Variants in GRIK1 observed in about 807,000 individuals in gnomAD.
GRIK1 encodes glutamate receptor ionotropic, kainate 1.
A neutral mutation model predicts 105.7 loss-of-function variants in GRIK1; 69 were observed. That is an observed-to-expected ratio of 0.65 (90% CI 0.54 to 0.80). The LOEUF (loss-of-function observed/expected upper bound fraction) is 0.80. Among genes scored for constraint, GRIK1 ranks in the 30% least tolerant of loss-of-function variants. GRIK1 has a pLI of 0.00. For synonymous variants in GRIK1, 438 were observed against 431.3 expected (o/e 1.02, Z -0.19); for missense variants, 1,109 against 1,167.3 (o/e 0.95, Z 0.73).
At chr21:29,765,831 C>A (rs1443259844) in intron 1 of GRIK1, among the ~76,000 whole-genome samples, 4 of 151,830 alleles carry the variant, frequency 2.6e-5, no homozygotes, top group Admixed American at 1.3e-4. Context: ...TTCTTGTCAG[C>A]TTAAATTTTA....
At chr21:29,794,916 T>A (rs2145833980) in intron 1 of GRIK1, among the ~76,000 whole-genome samples, 1 of 152,154 alleles carries the variant, frequency 6.6e-6, no homozygotes, top group East Asian at 1.9e-4. Context: ...TGACAGCATT[T>A]TTGAGTGCTG....
At chr21:29,710,829 TTCCTTC>T in intron 1 of GRIK1, among the ~76,000 whole-genome samples, 2 of 109,442 alleles carry the variant, frequency 1.8e-5, no homozygotes, top group South Asian at 7.2e-4. Context: ...CCTTCCTTCC[TTCCTTC>T]CTTCCTTTTC....
intron 4 of GRIK1, among the ~76,000 whole-genome samples, chr21:29,659,092 T>A (rs1415489256): frequency 6.6e-6 from 1 of 152,214 alleles, no homozygotes; most frequent in Non-Finnish European, 1.5e-5. Flanking sequence ...GCTAATGTCA[T>A]CCAGCTTTAT....
intron 7 of GRIK1, among the ~76,000 whole-genome samples, chr21:29,631,655 CCAT>C (rs2062275322): frequency 6.6e-6 from 1 of 151,910 alleles, no homozygotes; most frequent in Non-Finnish European, 1.5e-5. Context: ...CTGAGATGTA[CCAT>C]AAGTGTAAAA....
At chr21:29,754,790 T>C (rs943532352) in intron 1 of GRIK1, among the ~76,000 whole-genome samples, 3 of 152,222 alleles carry the variant, frequency 2.0e-5, no homozygotes, top group African/African-American at 7.2e-5. Context: ...AAGGTAGAAC[T>C]GAGGTTTACC....
chr21:29,694,823 G>A (rs1208848416), intron 1 of GRIK1, among the ~76,000 whole-genome samples: 1 of 152,030 alleles, frequency 6.6e-6, no homozygotes, highest in African/African-American at 2.4e-5. Flanking sequence ...AGAGTTGATG[G>A]GATCAAAATG....
At chr21:29,829,827 T>G (rs1385709063) in intron 1 of GRIK1, among the ~76,000 whole-genome samples, 1 of 152,084 alleles carries the variant, frequency 6.6e-6, no homozygotes, top group Non-Finnish European at 1.5e-5. Context: ...TCCAGTAACA[T>G]TTATAATCAG....
intron 1 of GRIK1, among the ~76,000 whole-genome samples, chr21:29,811,922 A>T (rs2067020242): frequency 6.6e-6 from 1 of 151,922 alleles, no homozygotes; most frequent in African/African-American, 2.4e-5. Context: ...CTATTTTCAG[A>T]TGACTTGTTT....
chr21:29,866,108 C>T (rs2146110772), intron 1 of GRIK1, among the ~76,000 whole-genome samples: 1 of 152,088 alleles, frequency 6.6e-6, no homozygotes, highest in East Asian at 1.9e-4. Context: ...CTTCTGTTGC[C>T]CAAGCTGAAA....
intron 16 of GRIK1, among the ~76,000 whole-genome samples, chr21:29,551,285 A>G (rs1336758974): frequency 6.6e-5 from 10 of 152,218 alleles, no homozygotes; most frequent in Admixed American, 5.2e-4. Flanking sequence ...ACATTTGCCA[A>G]TTGAACACAT....
At chr21:29,901,852 G>T (rs776708537) in intron 1 of GRIK1, among the ~76,000 whole-genome samples, 2 of 151,976 alleles carry the variant, frequency 1.3e-5, no homozygotes, top group Non-Finnish European at 2.9e-5. Context: ...AAAAAAAGGA[G>T]AATTTTAGGC....
intron 13 of GRIK1, among the ~76,000 whole-genome samples, chr21:29,577,978 G>A (rs2090935236): frequency 6.6e-6 from 1 of 152,162 alleles, no homozygotes; most frequent in Non-Finnish European, 1.5e-5. Context: ...GTTTTCCAAG[G>A]AAACCTTCCT....
intron 16 of GRIK1, among the ~76,000 whole-genome samples, chr21:29,544,218 A>T (rs1568792026): frequency 2.0e-5 from 3 of 152,182 alleles, no homozygotes; most frequent in South Asian, 2.1e-4. Flanking sequence ...TTATTTAAAG[A>T]TTTCATTTAG....
intron 1 of GRIK1, among the ~76,000 whole-genome samples, chr21:29,723,161 T>A (rs1048390802): frequency 1.3e-5 from 2 of 152,136 alleles, no homozygotes; most frequent in East Asian, 3.8e-4. Context: ...CCAAAAAAAA[T>A]TATTACTAGC....
At chr21:29,921,278 A>C (rs113867016) in intron 1 of GRIK1, among the ~76,000 whole-genome samples, 1 of 152,166 alleles carries the variant, frequency 6.6e-6, no homozygotes, top group Non-Finnish European at 1.5e-5. Context: ...AAATCAATAT[A>C]TAAGTGTAAT....
intron 1 of GRIK1, among the ~76,000 whole-genome samples, chr21:29,887,383 G>A (rs888249209): frequency 1.3e-5 from 2 of 152,138 alleles, no homozygotes; most frequent in Non-Finnish European, 2.9e-5. Flanking sequence ...ACTTCAATCT[G>A]AGTTATTTAG....
chr21:29,578,644 T>C (rs1466513916), intron 13 of GRIK1, among the ~76,000 whole-genome samples: 1 of 152,188 alleles, frequency 6.6e-6, no homozygotes, highest in Non-Finnish European at 1.5e-5. Context: ...TGAATTTGAG[T>C]GGGTAATATT....
At chr21:29,575,788 C>T (rs554790250) in intron 14 of GRIK1, among the ~76,000 whole-genome samples, 4 of 152,166 alleles carry the variant, frequency 2.6e-5, no homozygotes, top group Admixed American at 1.3e-4. Flanking sequence ...GCCAAGATCG[C>T]GCCACTGGAC....
intron 1 of GRIK1, among the ~76,000 whole-genome samples, chr21:29,841,568 C>T (rs549753468): frequency 6.6e-6 from 1 of 152,036 alleles, no homozygotes; most frequent in Non-Finnish European, 1.5e-5. Flanking sequence ...CATCTTTAGC[C>T]GTCAGCTGAT....
Sources: gnomAD v4.1 joint callset for allele counts (sites outside exome capture counted in the v4.1 genomes callset) on GRCh38, gnomAD v4.1.1 for gene constraint, MANE v1.5 for transcripts, NCBI Gene and HGNC (gene_info 2026-07-23, HGNC 2026-07-21) for gene names.